The following PAX5 variants were observed in gnomAD, a reference collection of about 807,000 sequenced individuals.
The protein encoded by PAX5 is paired box 5.
PAX5 carries 9 observed loss-of-function variants against 43.7 expected under a neutral mutation model. The observed-to-expected ratio is 0.21, with a 90% CI of 0.12 to 0.36. The LOEUF (loss-of-function observed/expected upper bound fraction) is 0.36, where lower values mean the gene tolerates loss of function less well. Among genes scored for constraint, PAX5 ranks in the 10% least tolerant of loss-of-function variants. The pLI is 1.00. For synonymous variants in PAX5, 228 were observed against 214.3 expected (o/e 1.06, Z -0.56); for missense variants, 383 against 532.7 (o/e 0.72, Z 2.77).
Position 36,882,013 on chromosome 9 carries a change from T to C in PAX5, c.1003A>G (p.Met335Val), listed in dbSNP as rs2131762365. The C allele has an allele frequency of 6.2e-7, 1 of 1,610,960 alleles. No homozygotes were observed. ...GACAGTGCAAACTCACCAGGCACCATCCCTGTCAGCGTCGGTGCTGAGTAG... is the reference window on the plus strand; with the variant it reads ...GACAGTGCAAACTCACCAGGCACCACCCCTGTCAGCGTCGGTGCTGAGTAG... The part of the protein sequence containing the change: ...GSYSAPTLTG[M>V]VPGSEFSGSP... Residue 335 changes from methionine to valine, a missense_variant, in exon 8 of 10, where the codon ATG becomes GTG. By Grantham distance (21) the Met-to-Val change is conservative. Around this residue, in one of 5 missense-constraint regions of PAX5, gnomAD observed 291 missense variants for 342.5 expected, o/e 0.85. Coordinates refer to ENST00000358127, the MANE Select transcript of PAX5 (RefSeq NM_016734.3). The surrounding 1 kb of genome is among the most constrained non-coding windows in gnomAD (Gnocchi z 4.4).
chr9:36,983,196 A>G (rs947011857), intron 5 of PAX5, among the ~76,000 whole-genome samples: 3 of 152,232 alleles, frequency 2.0e-5, no homozygotes, highest in African/African-American at 7.2e-5. Flanking sequence ...GAATACAACC[A>G]ACATATACAT....
Position 36,997,353 on chromosome 9 carries a change from C to T in PAX5, c.604+5295G>A, listed in dbSNP as rs528205925. On this transcript the variant is annotated intron_variant, in intron 5 of 9. Coordinates refer to ENST00000358127, the MANE Select transcript of PAX5 (RefSeq NM_016734.3). ...GCTTTCTAAACTGGTGAAAGGGATT[C>T]GCACTCCGCTGACCTCAGTGTGTTC... Among the ~76,000 whole-genome samples the T allele has an allele frequency of 8.8e-4, 134 of 152,294 alleles. 2 individuals carry two copies. The highest frequency in any genetic ancestry group is 4.4e-3 in the Admixed American group (68 of 15,304).
chr9:36,892,904 T>C (rs1827527343), intron 7 of PAX5, among the ~76,000 whole-genome samples: 1 of 152,144 alleles, frequency 6.6e-6, no homozygotes, highest in Non-Finnish European at 1.5e-5. Flanking sequence ...TCTGTGCTAG[T>C]AAAAAGAGGA....
intron 5 of PAX5, among the ~76,000 whole-genome samples, chr9:36,988,044 G>A: frequency 6.6e-6 from 1 of 152,184 alleles, no homozygotes; most frequent in Non-Finnish European, 1.5e-5. Flanking sequence ...GAGGGAGGGG[G>A]AGCGGCGGGG....
At chr9:36,848,389 C>A (rs3861000) in intron 8 of PAX5, among the ~76,000 whole-genome samples, 1 of 150,436 alleles carries the variant, frequency 6.6e-6, no homozygotes, top group Non-Finnish European at 1.5e-5. Context: ...CACATGCTCG[C>A]GCTCCTCCTC....
At chr9:37,033,597 G>GAA (rs1221982131) in intron 1 of PAX5, among the ~76,000 whole-genome samples, 1 of 55,876 alleles carries the variant, frequency 1.8e-5, no homozygotes, top group African/African-American at 5.6e-5. Flanking sequence ...CGAGTATAAA[G>GAA]ATACACACAC....
chr9:36,947,087 T>C (rs1563997671), intron 6 of PAX5, among the ~76,000 whole-genome samples: 1 of 152,356 alleles, frequency 6.6e-6, no homozygotes, highest in Middle Eastern at 3.4e-3. Context: ...CAGATTCTAT[T>C]CATAAATGAA....
At chr9:37,027,167 T>G (rs2132542413) in intron 1 of PAX5, among the ~76,000 whole-genome samples, 1 of 152,294 alleles carries the variant, frequency 6.6e-6, no homozygotes, top group South Asian at 2.1e-4. Context: ...CTCTCCGACG[T>G]CTCGGACGAA....
chr9:36,968,462 A>G (rs533626392), intron 5 of PAX5, among the ~76,000 whole-genome samples: 2 of 152,364 alleles, frequency 1.3e-5, no homozygotes, highest in East Asian at 1.9e-4. Context: ...GATCCCTCGT[A>G]GAAGTCAACA....
At chr9:36,931,276 A>C (rs1241359222) in intron 6 of PAX5, among the ~76,000 whole-genome samples, 1 of 152,232 alleles carries the variant, frequency 6.6e-6, no homozygotes, top group Non-Finnish European at 1.5e-5. Context: ...GAGCAGGCAA[A>C]GGGGTCTGCA....
At chr9:36,856,137 C>T (rs1255879655) in intron 8 of PAX5, among the ~76,000 whole-genome samples, 2 of 152,244 alleles carry the variant, frequency 1.3e-5, no homozygotes, top group South Asian at 4.1e-4. Flanking sequence ...CAGCACAGGG[C>T]TTGCCCACAA....
intron 7 of PAX5, among the ~76,000 whole-genome samples, chr9:36,904,925 A>G (rs1297167641): frequency 1.3e-5 from 2 of 152,242 alleles, no homozygotes; most frequent in Non-Finnish European, 2.9e-5. Flanking sequence ...ACAATTCAGA[A>G]TCTTGTAGAC....
At chr9:36,877,983 T>C (rs910841874) in intron 8 of PAX5, among the ~76,000 whole-genome samples, 4 of 152,098 alleles carry the variant, frequency 2.6e-5, no homozygotes, top group Non-Finnish European at 4.4e-5. Context: ...AGGGAAACAC[T>C]GAAAACTCCT....
At chr9:36,974,185 A>G (rs1835224951) in intron 5 of PAX5, among the ~76,000 whole-genome samples, 1 of 152,170 alleles carries the variant, frequency 6.6e-6, no homozygotes, top group Non-Finnish European at 1.5e-5. Flanking sequence ...GTCTCTAAAA[A>G]AAAACCAAAT....
At chr9:36,942,318 G>T (rs986775176) in intron 6 of PAX5, among the ~76,000 whole-genome samples, 5 of 152,240 alleles carry the variant, frequency 3.3e-5, no homozygotes, top group Non-Finnish European at 7.3e-5. Context: ...CAGAGCCCAG[G>T]TCTCAGGAAA....
intron 8 of PAX5, 38 bp downstream of exon 8, chr9:36,881,966 C>T (rs772094563): frequency 1.4e-5 from 21 of 1,504,072 alleles, no homozygotes; most frequent in Admixed American, 1.8e-5. Flanking sequence ...AAACCCCGTC[C>T]GCTGCCTGCT....
At position 36,837,290 on chromosome 9, in the gene PAX5, C is replaced by T. The variant is rs1165593156; in HGVS notation, c.*3270G>A. The stretch of plus-strand genomic sequence containing the variant: ...AGAGTGGTTGAGGATTGCAAAGCAC[C>T]GTACAATGTCAGTTATGGAAGGGCT... On this transcript the variant is annotated 3_prime_UTR_variant, in exon 10 of 10. Transcript: ENST00000358127. 1.7e-5 allele frequency: 4 copies of T among 233,086 alleles called. No homozygotes were observed. The highest frequency in any genetic ancestry group is 1.8e-4 in the South Asian group (1 of 5,534). The allele number at this position is 233,086 out of a possible 1,614,324, so 14.4% of individuals were successfully genotyped here. A position where few individuals can be genotyped will look rare whatever the true frequency, so the allele number is the denominator to read the frequency against.
At chr9:36,981,813 C>T (rs1311995033) in intron 5 of PAX5, among the ~76,000 whole-genome samples, 2 of 152,368 alleles carry the variant, frequency 1.3e-5, no homozygotes, top group African/African-American at 4.8e-5. Context: ...CACATCTGTG[C>T]AATGGGGTCA....
At chr9:36,918,605 G>A (rs995250733) in intron 7 of PAX5, among the ~76,000 whole-genome samples, 6 of 152,114 alleles carry the variant, frequency 3.9e-5, no homozygotes, top group Non-Finnish European at 8.8e-5. Context: ...CAAGACCAGT[G>A]AGCCATGATT....
Sources: gnomAD v4.1 joint callset for allele counts (sites outside exome capture counted in the v4.1 genomes callset) on GRCh38, gnomAD v4.1.1 for gene constraint, gnomAD v4.1.1 regional missense constraint, Gnocchi (gnomAD v3.1) non-coding constraint, MANE v1.5 for transcripts, NCBI Gene and HGNC (gene_info 2026-07-23, HGNC 2026-07-21) for gene names.